Variants in MOSMO observed in about 807,000 individuals in gnomAD.
The protein encoded by MOSMO is modulator of smoothened.
Under a neutral mutation model 18.4 loss-of-function variants are expected in MOSMO, and 5 were observed. The ratio of observed to expected loss-of-function variants is 0.27; its 90% confidence interval spans 0.14 to 0.57. The LOEUF (loss-of-function observed/expected upper bound fraction) is 0.57, where lower values mean the gene tolerates loss of function less well. Among genes scored for constraint, MOSMO ranks in the 20% least tolerant of loss-of-function variants. The pLI, the probability that MOSMO is intolerant of heterozygous loss-of-function variation, is 0.92. For missense variants in MOSMO, 138 were observed against 211.8 expected, an observed-to-expected ratio of 0.65 and a Z score of 2.16; for synonymous variants, 82 against 82.3, an observed-to-expected ratio of 1.00 and a Z score of 0.02.
intron 1 of MOSMO, among the ~76,000 whole-genome samples, chr16:22,023,306 A>G (rs922617503): frequency 2.6e-5 from 4 of 152,204 alleles, no homozygotes; most frequent in Admixed American, 1.3e-4. Flanking sequence ...TAGAAACCTC[A>G]TACTCTTTCT....
chr16:22,065,621 C>T (rs1217226145), intron 1 of MOSMO, among the ~76,000 whole-genome samples: 2 of 148,602 alleles, frequency 1.3e-5, no homozygotes, highest in Non-Finnish European at 3.0e-5. Context: ...TATGTTTTAA[C>T]AAAAAAAAAA....
intron 1 of MOSMO, among the ~76,000 whole-genome samples, chr16:22,037,675 G>C (rs1366563477): frequency 6.6e-6 from 1 of 152,118 alleles, no homozygotes; most frequent in African/African-American, 2.4e-5. Flanking sequence ...CAACTACTTT[G>C]CTGGGACAGC....
chr16:22,064,406 G>A (rs1189911548), intron 1 of MOSMO: 3 of 456,296 alleles, frequency 6.6e-6, no homozygotes, highest in Non-Finnish European at 1.3e-5. Context: ...AAATAAATGG[G>A]TTACTTCTGC....
intron 1 of MOSMO, among the ~76,000 whole-genome samples, chr16:22,018,832 G>C (rs1290653791): frequency 6.6e-6 from 1 of 152,142 alleles, no homozygotes; most frequent in African/African-American, 2.4e-5. Context: ...AGGAAGACTT[G>C]GGTGGTTCTT....
chr16:22,025,588 A>G (rs1899859628), intron 1 of MOSMO, among the ~76,000 whole-genome samples: 1 of 152,192 alleles, frequency 6.6e-6, no homozygotes, highest in Non-Finnish European at 1.5e-5. Context: ...CAAATTAATC[A>G]TGTAACCATC....
At chr16:22,073,024 T>C (rs1311973178) in intron 1 of MOSMO, among the ~76,000 whole-genome samples, 3 of 152,178 alleles carry the variant, frequency 2.0e-5, no homozygotes, top group Admixed American at 6.5e-5. Flanking sequence ...ATTTTCGTGC[T>C]TGTTCTGTTT....
At chr16:22,034,770 T>TTTTTTG (rs1900072784) in intron 1 of MOSMO, among the ~76,000 whole-genome samples, 1 of 145,416 alleles carries the variant, frequency 6.9e-6, no homozygotes, top group Admixed American at 6.8e-5. Context: ...TTTTTTTTTT[T>TTTTTTG]TTTTAAAGAC....
chr16:22,019,914 A>T (rs1031276133), intron 1 of MOSMO, among the ~76,000 whole-genome samples: 18 of 152,070 alleles, frequency 1.2e-4, no homozygotes, highest in East Asian at 3.9e-4. Flanking sequence ...TCTTTTTTTT[A>T]AAAAATGTAT....
Position 22,083,665 on chromosome 16 carries a change from A to T in MOSMO, c.*2785A>T, listed in dbSNP as rs1016992078. On this transcript the variant is annotated 3_prime_UTR_variant, in exon 3 of 3. Transcript: ENST00000542527. ...CATTTGTCAAACTTTTGTCTGTTTC[A>T]TTGTTTTTAGAGTGTGTGCATTCTT... The T allele has an allele frequency of 1.2e-4, 55 of 453,826 alleles. No individual in the cohort carries two copies. The Admixed American group carries it at 1.3e-3, about 11-fold the overall frequency. 28.1% of individuals were successfully genotyped at this position (453,826 alleles called of 1,614,324 possible).
chr16:22,090,058 G>A (rs1044551275), downstream of MOSMO: 2 of 151,968 alleles, frequency 1.3e-5, no homozygotes, highest in African/African-American at 4.8e-5. Context: ...CCAATTTCAC[G>A]TTCTGGCTTC....
chr16:22,052,262 G>A (rs900996636), intron 1 of MOSMO, among the ~76,000 whole-genome samples: 5 of 152,094 alleles, frequency 3.3e-5, no homozygotes, highest in East Asian at 3.9e-4. Context: ...ATACTATGAA[G>A]CCCTTTAGAC....
intron 1 of MOSMO, among the ~76,000 whole-genome samples, chr16:22,019,719 T>C (rs779501230): frequency 6.6e-6 from 1 of 152,112 alleles, no homozygotes; most frequent in Non-Finnish European, 1.5e-5. Flanking sequence ...AGTGAGGTGA[T>C]TGTAAAAAGT....
intron 2 of MOSMO, among the ~76,000 whole-genome samples, chr16:22,079,941 G>A (rs909922456): frequency 2.6e-5 from 4 of 151,910 alleles, no homozygotes; most frequent in Non-Finnish European, 1.5e-5. Flanking sequence ...GCACCTCTAC[G>A]CCTGACTAAT....
chr16:22,073,498 A>G (rs1259481422), intron 1 of MOSMO, among the ~76,000 whole-genome samples: 4 of 150,960 alleles, frequency 2.6e-5, no homozygotes, highest in South Asian at 2.1e-4. Flanking sequence ...TGCCTTCTTT[A>G]TTTCCAAAAT....
At chr16:22,040,434 G>T (rs1346023126) in intron 1 of MOSMO, among the ~76,000 whole-genome samples, 2 of 152,128 alleles carry the variant, frequency 1.3e-5, no homozygotes, top group Non-Finnish European at 2.9e-5. Context: ...TACAAAGAAG[G>T]ATGATTTTTG....
At chr16:22,057,569 A>G (rs1171704292) in intron 1 of MOSMO, among the ~76,000 whole-genome samples, 1 of 152,234 alleles carries the variant, frequency 6.6e-6, no homozygotes, top group Non-Finnish European at 1.5e-5. Context: ...GAAGAGATTG[A>G]TAGTTCATTC....
intron 1 of MOSMO, among the ~76,000 whole-genome samples, chr16:22,046,574 C>T (rs1349356237): frequency 6.6e-6 from 1 of 152,200 alleles, no homozygotes; most frequent in East Asian, 1.9e-4. Flanking sequence ...CCCTAACACA[C>T]ATATTTTCTC....
intron 1 of MOSMO, among the ~76,000 whole-genome samples, chr16:22,019,107 G>A (rs1899701119): frequency 1.3e-5 from 2 of 152,184 alleles, no homozygotes; most frequent in Admixed American, 1.3e-4. Context: ...ATGTCACACA[G>A]TGGATCCTGG....
At chr16:22,086,689 A>G (rs1221808481), downstream of MOSMO, among the ~76,000 whole-genome samples, 1 of 152,216 alleles carries the variant, frequency 6.6e-6, no homozygotes, top group Non-Finnish European at 1.5e-5. Flanking sequence ...TAAAGGAGAT[A>G]AAGTTCCAAG....
Sources: gnomAD v4.1 joint callset for allele counts (sites outside exome capture counted in the v4.1 genomes callset) on GRCh38, gnomAD v4.1.1 for gene constraint, MANE v1.5 for transcripts, NCBI Gene and HGNC (gene_info 2026-07-23, HGNC 2026-07-21) for gene names.